Variants in CCDC6 observed in about 807,000 individuals in gnomAD.
The protein encoded by CCDC6 is coiled-coil domain containing 6, also known as coiled-coil domain-containing protein 6.
Under a neutral mutation model 56.6 loss-of-function variants are expected in CCDC6, and 20 were observed. That is an observed-to-expected ratio of 0.35 (90% confidence interval 0.25 to 0.51). CCDC6 has a LOEUF of 0.51. Among genes scored for constraint, CCDC6 ranks in the 20% least tolerant of loss-of-function variants. CCDC6 has a pLI of 0.95. For missense variants in CCDC6, 367 were observed against 601.1 expected (o/e 0.61, Z 4.07); for synonymous variants, 241 against 234.4 (o/e 1.03, Z -0.26).
intron 1 of CCDC6, among the ~76,000 whole-genome samples, chr10:59,864,396 T>C (rs1171786): frequency 0.48 from 73,696 of 151,962 alleles, 19,667 homozygotes; most frequent in African/African-American, 0.73. Context: ...AGCAACCTTC[T>C]TTTCCTTACA....
chr10:59,829,534 C>T (rs953004722), intron 3 of CCDC6, among the ~76,000 whole-genome samples: 2 of 152,056 alleles, frequency 1.3e-5, no homozygotes, highest in Middle Eastern at 3.4e-3. Context: ...GTCCATCAAA[C>T]GATAAATGGA....
chr10:59,817,975 C>A (rs747524818), intron 3 of CCDC6, among the ~76,000 whole-genome samples: 3 of 152,250 alleles, frequency 2.0e-5, no homozygotes, highest in Admixed American at 6.5e-5. Flanking sequence ...CACTAGCCTG[C>A]AAGATGACAT....
At chr10:59,814,516 T>C (rs900177687) in intron 4 of CCDC6, 136 bp downstream of exon 4, 1 of 588,936 alleles carries the variant, frequency 1.7e-6, no homozygotes, top group South Asian at 2.4e-5. Context: ...CAACATTTTT[T>C]TTCCTTTGGC....
At chr10:59,851,774 G>A (rs2071041639) in intron 2 of CCDC6, among the ~76,000 whole-genome samples, 1 of 152,140 alleles carries the variant, frequency 6.6e-6, no homozygotes, top group Admixed American at 6.5e-5. Flanking sequence ...TGGTAATAAT[G>A]TTGATAATTT....
intron 3 of CCDC6, among the ~76,000 whole-genome samples, chr10:59,826,937 G>A (rs187495267): frequency 9.1e-4 from 138 of 152,346 alleles, no homozygotes; most frequent in African/African-American, 2.6e-3. Context: ...CAGGGATACA[G>A]TGTTAAGGTC....
chr10:59,810,248 A>C (rs1012911407), intron 5 of CCDC6, among the ~76,000 whole-genome samples: 4 of 152,220 alleles, frequency 2.6e-5, no homozygotes, highest in African/African-American at 7.2e-5. Context: ...ATGGATGATG[A>C]AAAGTCACTA....
rs1053661548 is a variant in CCDC6 at position 59,846,057 on chromosome 10, T to C, written c.453+6496A>G. On this transcript the variant is annotated intron_variant, in intron 2 of 8. Transcript: ENST00000263102. The stretch of plus-strand genomic sequence containing the variant: ...GTGAAGAGGATGCTTCAGATTCTAG[T>C]GTACATCCTGGAAAAGAAGAGAATT... 3.3e-5 allele frequency among the ~76,000 whole-genome samples: 5 copies of C among 152,298 alleles called. No individual in the cohort carries two copies. The East Asian group carries it at 9.6e-4, about 29-fold the overall frequency.
intron 1 of CCDC6, among the ~76,000 whole-genome samples, chr10:59,898,551 T>C (rs2071480773): frequency 6.6e-6 from 1 of 152,248 alleles, no homozygotes; most frequent in African/African-American, 2.4e-5. Context: ...TGGTTCCTTC[T>C]GCACTGCACA....
intron 1 of CCDC6, among the ~76,000 whole-genome samples, chr10:59,878,260 C>T (rs1751710235): frequency 6.6e-6 from 1 of 152,244 alleles, no homozygotes; most frequent in Non-Finnish European, 1.5e-5. Flanking sequence ...CATAGCCAGA[C>T]CTCATTATTA....
At chr10:59,805,220 G>C (rs1314702676) in intron 6 of CCDC6, 3 of 152,316 alleles carry the variant, frequency 2.0e-5, no homozygotes, top group African/African-American at 4.8e-5. Flanking sequence ...TGCTGCTTGA[G>C]AGACTTCCTG....
At chr10:59,869,559 T>C (rs2132667397) in intron 1 of CCDC6, among the ~76,000 whole-genome samples, 1 of 152,126 alleles carries the variant, frequency 6.6e-6, no homozygotes, top group Non-Finnish European at 1.5e-5. Flanking sequence ...TGGAAATAAA[T>C]CTTGAATGTC....
At chr10:59,878,334 T>C (rs1339873747) in intron 1 of CCDC6, among the ~76,000 whole-genome samples, 1 of 152,194 alleles carries the variant, frequency 6.6e-6, no homozygotes, top group African/African-American at 2.4e-5. Flanking sequence ...TCCCCCCTTG[T>C]TTATTTCATC....
chr10:59,863,392 T>C (rs1239929704), intron 1 of CCDC6, among the ~76,000 whole-genome samples: 1 of 152,222 alleles, frequency 6.6e-6, no homozygotes, highest in African/African-American at 2.4e-5. Context: ...TTTTCCCTCT[T>C]AGAATTCATA....
intron 1 of CCDC6, among the ~76,000 whole-genome samples, chr10:59,890,487 T>C (rs1372705038): frequency 6.6e-6 from 1 of 151,948 alleles, no homozygotes; most frequent in Non-Finnish European, 1.5e-5. Flanking sequence ...AGGGAAGAAA[T>C]GGGCAAGAAG....
chr10:59,854,622 C>G (rs773482392), intron 1 of CCDC6, among the ~76,000 whole-genome samples: 1 of 152,202 alleles, frequency 6.6e-6, no homozygotes, highest in African/African-American at 2.4e-5. Flanking sequence ...CAATGTCTTA[C>G]TCTTTCCACT....
intron 1 of CCDC6, among the ~76,000 whole-genome samples, chr10:59,855,508 G>A (rs1313123632): frequency 6.6e-6 from 1 of 152,212 alleles, no homozygotes; most frequent in African/African-American, 2.4e-5. Context: ...GGAGATTGCA[G>A]TGAGCCAAGA....
rs141248635 is a variant in CCDC6, at chr10:59,894,612, G to C, written c.303+11510C>G. ...AAACCCACTTGTACTGTGCTAGTCA[G>C]GCTATTTTTAAGTAGAGATTGTAAC... On this transcript the variant is annotated intron_variant, in intron 1 of 8. Coordinates refer to ENST00000263102, the MANE Select transcript of CCDC6 (RefSeq NM_005436.5). Among the ~76,000 whole-genome samples the C allele has an allele frequency of 4.6e-4, 70 of 152,194 alleles. 1 individual carries two copies. The highest frequency in any genetic ancestry group is 1.5e-3 in the African/African-American group (63 of 41,522).
At chr10:59,876,496 G>A (rs2071281976) in intron 1 of CCDC6, among the ~76,000 whole-genome samples, 2 of 150,016 alleles carry the variant, frequency 1.3e-5, no homozygotes, top group South Asian at 4.2e-4. Context: ...CCAGGCCCAG[G>A]TGTGACTTTT....
chr10:59,847,463 C>T (rs1345687369), intron 2 of CCDC6, among the ~76,000 whole-genome samples: 1 of 152,076 alleles, frequency 6.6e-6, no homozygotes, highest in Non-Finnish European at 1.5e-5. Flanking sequence ...TCTGATTATA[C>T]TAGTTCTTAA....
Sources: allele counts gnomAD v4.1 joint callset (sites outside exome capture counted in the v4.1 genomes callset), GRCh38; gene constraint gnomAD v4.1.1; transcripts MANE v1.5; gene names NCBI Gene and HGNC (gene_info 2026-07-23, HGNC 2026-07-21).